SYK: variants seen among roughly 807,000 people sequenced by gnomAD.
SYK encodes the protein tyrosine-protein kinase SYK.
SYK carries 16 observed loss-of-function variants against 77.8 expected under a neutral mutation model. The observed-to-expected ratio is 0.21, with a 90% confidence interval of 0.14 to 0.31. SYK has a LOEUF of 0.31. Among genes scored for constraint, SYK ranks in the 10% least tolerant of loss-of-function variants. The probability of loss-of-function intolerance (pLI) is 1.00; values close to 1 mark genes in which losing one functional copy is unlikely to be tolerated. For synonymous variants in SYK, 312 were observed against 308.7 expected (o/e 1.01, Z -0.11); for missense variants, 529 against 814.4 (o/e 0.65, Z 4.26).
At chr9:90,815,313 GCTGAGAGGGGAGCCTT>G (rs1213944984) in intron 1 of SYK, among the ~76,000 whole-genome samples, 1 of 152,220 alleles carries the variant, frequency 6.6e-6, no homozygotes, top group Non-Finnish European at 1.5e-5. Context: ...ATCAAGGCAG[GCTGAGAGGGGAGCCTT>G]CTGAGGCACC....
rs1011194228 is a variant in SYK at position 90,897,659 on chromosome 9, C to T, written c.*2059C>T. 1 of 225,674 alleles carries T rather than the reference C, an allele frequency of 4.4e-6. No homozygotes were observed. Among genetic ancestry groups the T allele is most frequent in the East Asian group, 6.4e-5 (1 of 15,698 alleles). 14.0% of individuals were successfully genotyped at this position (225,674 alleles called of 1,614,324 possible). ...ATTTTTGGCCTTTTTATCAGCACTT[C>T]TCCCCTCCCAGGAGCCTGGGGATGC... is the stretch of plus-strand genomic sequence containing the variant. On this transcript the variant is annotated 3_prime_UTR_variant, in exon 14 of 14. Coordinates refer to ENST00000375754, the MANE Select transcript of SYK (RefSeq NM_003177.7).
At chr9:90,846,032 G>T (rs759306767) in intron 3 of SYK, among the ~76,000 whole-genome samples, 1 of 152,200 alleles carries the variant, frequency 6.6e-6, no homozygotes. Context: ...TTAAGGAAAA[G>T]TTCCTGGGAG....
chr9:90,834,536 C>T (rs920658694), intron 1 of SYK, among the ~76,000 whole-genome samples: 8 of 152,194 alleles, frequency 5.3e-5, no homozygotes, highest in African/African-American at 1.7e-4. Flanking sequence ...ACCACCTCCA[C>T]GGGGTACCAT....
chr9:90,852,018 G>A (rs1006293679), intron 3 of SYK, among the ~76,000 whole-genome samples: 13 of 152,244 alleles, frequency 8.5e-5, no homozygotes, highest in South Asian at 2.1e-4. Context: ...TGCCTGACAC[G>A]TCTCTATAAC....
intron 11 of SYK, among the ~76,000 whole-genome samples, chr9:90,884,295 GTGTATATATACACA>G (rs1828321262): frequency 1.4e-4 from 7 of 49,694 alleles, no homozygotes; most frequent in East Asian, 1.7e-3. Context: ...ATACACATAC[GTGTATATATACACA>G]CATATACACA....
At chr9:90,844,405 T>A in intron 2 of SYK, 90 bp downstream of exon 2, 1 of 1,342,400 alleles carries the variant, frequency 7.4e-7, no homozygotes, top group African/African-American at 1.5e-5. Flanking sequence ...TGTGCCTATG[T>A]GCCCTGTGTG....
intron 9 of SYK, among the ~76,000 whole-genome samples, chr9:90,876,287 C>CAAAAA (rs71923873): frequency 8.3e-6 from 1 of 120,052 alleles, no homozygotes; most frequent in African/African-American, 3.2e-5. Context: ...AACTCTGCCT[C>CAAAAA]AAAAAAAAAA....
intron 13 of SYK, among the ~76,000 whole-genome samples, chr9:90,892,447 A>G (rs1828831791): frequency 1.3e-5 from 2 of 152,190 alleles, no homozygotes; most frequent in South Asian, 4.1e-4. Context: ...CCTATCCGAA[A>G]CTACAATGTA....
At position 90,896,315 on chromosome 9, in the gene SYK, C is replaced by T. The variant is rs533583017; in HGVS notation, c.*715C>T. ...GAATGAATTGGCTTGGCTTACTTTC[C>T]CCCTGAAATCCTCTCTCCTGCAGAC... On this transcript the variant is annotated 3_prime_UTR_variant, in exon 14 of 14. Transcript: ENST00000375754. 3 of 233,264 alleles carry T rather than the reference C, an allele frequency of 1.3e-5. No homozygotes were observed. The highest frequency in any genetic ancestry group is 1.1e-4 in the Admixed American group (2 of 17,800). 14.4% of individuals were successfully genotyped at this position (233,264 alleles called of 1,614,324 possible). A position where few individuals can be genotyped will look rare whatever the true frequency, so the allele number is the denominator to read the frequency against.
chr9:90,867,034 C>T (rs1346202239), intron 6 of SYK, 97 bp from the exon 7 acceptor site: 6 of 1,359,864 alleles, frequency 4.4e-6, no homozygotes, highest in South Asian at 1.2e-5. Context: ...GTTAGTGGTG[C>T]GATTATAGAA....
At chr9:90,888,876 C>T (rs564904314) in intron 13 of SYK, among the ~76,000 whole-genome samples, 4 of 152,048 alleles carry the variant, frequency 2.6e-5, no homozygotes, top group African/African-American at 4.8e-5. Flanking sequence ...ATTTAAATGT[C>T]GATAATGGTG....
chr9:90,849,292 A>T (rs541101450), intron 3 of SYK, among the ~76,000 whole-genome samples: 1 of 152,246 alleles, frequency 6.6e-6, no homozygotes, highest in African/African-American at 2.4e-5. Flanking sequence ...CTCATGCCTG[A>T]GCATCAGTCA....
At chr9:90,894,718 GA>G (rs1163239989) in intron 13 of SYK, among the ~76,000 whole-genome samples, 2 of 152,200 alleles carry the variant, frequency 1.3e-5, no homozygotes, top group Non-Finnish European at 2.9e-5. Flanking sequence ...TGCAAAATAA[GA>G]AAAATAACTT....
rs571441026 is a variant in SYK at position 90,875,778 on chromosome 9, A to G, written c.1181+929A>G. On this transcript the variant is annotated intron_variant, in intron 9 of 13. Coordinates refer to ENST00000375754, the MANE Select transcript of SYK (RefSeq NM_003177.7). ...GTATTTCTTTTGGTCTTTAGAAGGTACCCAACATAGAATGTACAAGTAAAA... is the reference window on the plus strand; with the variant it reads ...GTATTTCTTTTGGTCTTTAGAAGGTGCCCAACATAGAATGTACAAGTAAAA... Among the ~76,000 whole-genome samples the G allele has an allele frequency of 3.3e-5, 5 of 152,316 alleles. No individual in the cohort carries two copies. In the South Asian group the frequency reaches 1.0e-3, roughly 32 times the overall value.
chr9:90,861,180 A>G (rs1827243740), intron 3 of SYK, among the ~76,000 whole-genome samples: 1 of 152,090 alleles, frequency 6.6e-6, no homozygotes, highest in South Asian at 2.1e-4. Context: ...CGAACTCCCC[A>G]AGTCCCACAG....
chr9:90,802,388 T>C (rs891453364), intron 1 of SYK, among the ~76,000 whole-genome samples: 7 of 152,240 alleles, frequency 4.6e-5, no homozygotes, highest in African/African-American at 1.7e-4. Flanking sequence ...ACAAATCTTT[T>C]ACTACAAAAA....
intron 1 of SYK, among the ~76,000 whole-genome samples, chr9:90,829,512 C>T (rs554234327): frequency 6.6e-6 from 1 of 152,286 alleles, no homozygotes; most frequent in East Asian, 1.9e-4. Context: ...GCCAGTCCCA[C>T]TTAGAGGCAA....
chr9:90,839,505 G>A (rs185766545), intron 1 of SYK, among the ~76,000 whole-genome samples: 28 of 152,198 alleles, frequency 1.8e-4, no homozygotes, highest in African/African-American at 6.0e-4. Flanking sequence ...CCCAAGACCC[G>A]ACCACAGCCT....
chr9:90,882,598 T>C (rs1032457217), intron 11 of SYK, among the ~76,000 whole-genome samples: 1 of 152,256 alleles, frequency 6.6e-6, no homozygotes, highest in African/African-American at 2.4e-5. Flanking sequence ...TAGATCATTT[T>C]TTAATGATGC....
Sources: gnomAD v4.1 joint callset for allele counts (sites outside exome capture counted in the v4.1 genomes callset) on GRCh38, gnomAD v4.1.1 for gene constraint, MANE v1.5 for transcripts, NCBI Gene and HGNC (gene_info 2026-07-23, HGNC 2026-07-21) for gene names.